Variants in TDP1 observed in about 807,000 individuals in gnomAD.
TDP1 encodes tyrosyl-DNA phosphodiesterase 1.
Under a neutral mutation model 81.5 loss-of-function variants are expected in TDP1, and 64 were observed. The observed-to-expected ratio is 0.79, with a 90% CI of 0.64 to 0.97. The LOEUF is 0.97. Among genes scored for constraint, TDP1 ranks in the 50% least tolerant of loss-of-function variants. The pLI is 0.00. For missense variants in TDP1, 723 were observed against 743.8 expected (o/e 0.97, Z 0.33); for synonymous variants, 256 against 264.3 (o/e 0.97, Z 0.30).
chr14:89,969,040 G>A (rs1412814002), intron 5 of TDP1, among the ~76,000 whole-genome samples: 4 of 152,132 alleles, frequency 2.6e-5, no homozygotes, highest in African/African-American at 4.8e-5. Flanking sequence ...GACACAGAAC[G>A]CCATTTACAA....
intron 8 of TDP1, among the ~76,000 whole-genome samples, chr14:89,983,833 G>T (rs949960048): frequency 7.9e-5 from 12 of 152,142 alleles, no homozygotes; most frequent in African/African-American, 2.7e-4. Flanking sequence ...TAGGGAAAAA[G>T]AATTAATGAA....
chr14:89,989,222 C>T (rs1044843278), intron 11 of TDP1, 132 bp downstream of exon 11: 33 of 1,072,900 alleles, frequency 3.1e-5, no homozygotes, highest in Middle Eastern at 7.1e-4. Context: ...GTGGCGGGGG[C>T]GGGGTGCGGA....
intron 16 of TDP1, among the ~76,000 whole-genome samples, chr14:90,041,056 C>CA (rs1189251998): frequency 9.2e-5 from 14 of 152,164 alleles, no homozygotes; most frequent in Non-Finnish European, 1.9e-4. Context: ...ATGCTTGTAT[C>CA]AAAAATCCTG....
chr14:90,022,674 T>A (rs901995659), intron 15 of TDP1: 3 of 835,036 alleles, frequency 3.6e-6, no homozygotes, highest in African/African-American at 3.7e-5. Flanking sequence ...TATTTTGATA[T>A]AGGAGACTTT....
Position 89,975,583 on chromosome 14 carries a change from T to TG in TDP1, c.757-198_757-197insG. On this transcript the variant is annotated intron_variant, in intron 6 of 16. Coordinates refer to ENST00000335725, the MANE Select transcript of TDP1 (RefSeq NM_018319.4). ...TCATTCTGGGTAACAAAATTTGTGT[T>TG]TTTTTTTTTTTTTTTTTTAATGAGC... 7.8e-6 allele frequency: 3 copies of TG among 384,430 alleles called. No individual in the cohort carries two copies. In the African/African-American group the frequency reaches 2.4e-4, roughly 31 times the overall value. The allele number at this position is 384,430 out of a possible 1,614,324, so 23.8% of individuals were successfully genotyped here. A position where few individuals can be genotyped will look rare whatever the true frequency, so the allele number is the denominator to read the frequency against.
intron 14 of TDP1, among the ~76,000 whole-genome samples, chr14:90,000,378 C>T (rs1897083669): frequency 6.6e-6 from 1 of 152,270 alleles, no homozygotes; most frequent in Non-Finnish European, 1.5e-5. Flanking sequence ...GGCCATCTTT[C>T]GATTCTGCTT....
intron 3 of TDP1, 110 bp from the exon 4 acceptor site, chr14:89,966,037 T>C: frequency 2.0e-6 from 2 of 988,628 alleles, no homozygotes; most frequent in Non-Finnish European, 1.6e-6. Flanking sequence ...TAGCTTACTG[T>C]GTTCTGAGTC....
intron 16 of TDP1, among the ~76,000 whole-genome samples, chr14:90,037,644 C>A (rs1887958383): frequency 6.6e-6 from 1 of 152,200 alleles, no homozygotes; most frequent in African/African-American, 2.4e-5. Flanking sequence ...TCTCTCATAT[C>A]AATTTTTCTC....
chr14:90,024,341 A>C (rs35311720), intron 15 of TDP1, among the ~76,000 whole-genome samples: 1 of 151,470 alleles, frequency 6.6e-6, no homozygotes, highest in Non-Finnish European at 1.5e-5. Flanking sequence ...ACCTGTCTCC[A>C]CTCCAGGCAC....
intron 14 of TDP1, among the ~76,000 whole-genome samples, chr14:90,004,074 G>A (rs958994505): frequency 1.3e-5 from 2 of 152,098 alleles, no homozygotes; most frequent in Non-Finnish European, 2.9e-5. Context: ...ACAAATGATG[G>A]TTATCAGTAC....
At chr14:89,989,324 A>C (rs920376623) in intron 11 of TDP1, 2 of 985,178 alleles carry the variant, frequency 2.0e-6, no homozygotes, top group Non-Finnish European at 2.4e-6. Context: ...CAGGAGCTCC[A>C]TTGCAGACAC....
At chr14:89,988,848 A>G (rs1596565586) in intron 10 of TDP1, 57 bp from the exon 11 acceptor site, 2 of 1,610,854 alleles carry the variant, frequency 1.2e-6, no homozygotes, top group Non-Finnish European at 1.7e-6. Flanking sequence ...CAAATATTGC[A>G]GCATTTCTGT....
chr14:90,029,977 T>C (rs1358892570), intron 15 of TDP1, among the ~76,000 whole-genome samples: 1 of 152,224 alleles, frequency 6.6e-6, no homozygotes, highest in Non-Finnish European at 1.5e-5. Context: ...AACTTAAATA[T>C]CCTCACAGTA....
At chr14:90,003,179 G>T (rs539845134) in intron 14 of TDP1, among the ~76,000 whole-genome samples, 2 of 152,222 alleles carry the variant, frequency 1.3e-5, no homozygotes, top group Admixed American at 6.5e-5. Context: ...CTTGTGATCC[G>T]CCCGCCTTGG....
In TDP1 at chr14:89,963,196, C is replaced by A. The variant is rs377608038; in HGVS notation, c.82C>A (p.Pro28Thr). Residue 28 changes from proline (P) to threonine (T), a missense_variant, in exon 3 of 17, where the codon CCA becomes ACA. By Grantham distance (38) the Pro-to-Thr change is conservative. Transcript: ENST00000335725. ...GGAAGAAAAGCCAAAACCAGACAAG[C>A]CATCTACCTCTTCTCTTCTCTGTGC... ...SEEEKPKPDK[P>T]STSSLLCARQ... The A allele has an allele frequency of 7.4e-6, 12 of 1,614,114 alleles. No homozygotes were observed. Among genetic ancestry groups the A allele is most frequent in the Non-Finnish European group, 1.0e-5 (12 of 1,180,024 alleles).
chr14:89,995,609 A>G (rs1351890633), intron 14 of TDP1, among the ~76,000 whole-genome samples: 1 of 152,244 alleles, frequency 6.6e-6, no homozygotes, highest in African/African-American at 2.4e-5. Context: ...AATAAAGGAA[A>G]GTATAGTTTC....
intron 16 of TDP1, among the ~76,000 whole-genome samples, chr14:90,034,196 T>G (rs911351920): frequency 2.0e-5 from 3 of 152,228 alleles, no homozygotes; most frequent in Non-Finnish European, 2.9e-5. Flanking sequence ...CATTGCTGTG[T>G]TCTCATTGAG....
At chr14:89,973,617 T>C (rs570160750) in intron 6 of TDP1, among the ~76,000 whole-genome samples, 1 of 152,288 alleles carries the variant, frequency 6.6e-6, no homozygotes, top group Admixed American at 6.5e-5. Flanking sequence ...CGGTGGCTGC[T>C]GACCCTCTCC....
chr14:90,027,112 C>T (rs541603847), intron 15 of TDP1, among the ~76,000 whole-genome samples: 1 of 152,318 alleles, frequency 6.6e-6, no homozygotes, highest in East Asian at 1.9e-4. Context: ...CACATCCTCT[C>T]TAGCACCTCT....
Sources: gnomAD v4.1 joint callset for allele counts (sites outside exome capture counted in the v4.1 genomes callset) on GRCh38, gnomAD v4.1.1 for gene constraint, MANE v1.5 for transcripts, NCBI Gene and HGNC (gene_info 2026-07-23, HGNC 2026-07-21) for gene names.